CXCL17: variants seen among roughly 807,000 people sequenced by gnomAD.
The protein encoded by CXCL17 is C-X-C motif chemokine 17.
Under a neutral mutation model 15.5 loss-of-function variants are expected in CXCL17, and 9 were observed. The observed-to-expected ratio is 0.58, with a 90% CI of 0.35 to 1.01. CXCL17 has a LOEUF of 1.01. Among genes scored for constraint, CXCL17 ranks in the 50% least tolerant of loss-of-function variants. The pLI is 0.02. For synonymous variants in CXCL17, 52 were observed against 52.3 expected (o/e 0.99, Z 0.02); for missense variants, 133 against 138.2 (o/e 0.96, Z 0.19).
intron 2 of CXCL17, among the ~76,000 whole-genome samples, chr19:42,433,445 A>C (rs889549763): frequency 6.6e-6 from 1 of 152,178 alleles, no homozygotes; most frequent in Non-Finnish European, 1.5e-5. Flanking sequence ...CCTGTGAGTA[A>C]AATAAGGCTG....
At chr19:42,430,646 C>A (rs922173522) in intron 3 of CXCL17, among the ~76,000 whole-genome samples, 1 of 151,458 alleles carries the variant, frequency 6.6e-6, no homozygotes, top group Non-Finnish European at 1.5e-5. Context: ...GCCAACAGCA[C>A]CCCTCCTTTT....
At chr19:42,432,376 C>T (rs1316626027) in intron 3 of CXCL17, among the ~76,000 whole-genome samples, 1 of 152,028 alleles carries the variant, frequency 6.6e-6, no homozygotes, top group African/African-American at 2.4e-5. Context: ...AACTCCTGGC[C>T]TCAAGCAATC....
intron 2 of CXCL17, 135 bp downstream of exon 2, chr19:42,433,641 T>G: frequency 1.4e-6 from 1 of 718,896 alleles, no homozygotes; most frequent in Non-Finnish European, 2.4e-6. Context: ...GCACAGGTGC[T>G]GCATGTGGCA....
At chr19:42,429,508 A>T (rs2147688394) in intron 3 of CXCL17, among the ~76,000 whole-genome samples, 1 of 151,712 alleles carries the variant, frequency 6.6e-6, no homozygotes, top group East Asian at 1.9e-4. Flanking sequence ...TTTGTATTTT[A>T]GTAGAGATGG....
In CXCL17 at chr19:42,433,015, A is replaced by C; in HGVS notation, c.223T>G (p.Cys75Gly). Residue 75 changes from cysteine (C) to glycine (G), a missense_variant, in exon 3 of 4, where the codon TGC (cysteine) becomes GGC (glycine). Transcript: ENST00000601181. Reference protein sequence around the residue: ...MTVSGLPKKQCPCDHFKGNVK... With the variant: ...MTVSGLPKKQGPCDHFKGNVK... ...TTGCCCTTGAAATGATCACAGGGGC[A>C]CTGCTTCTTTGGCAGCCCAGACACT... 6.2e-7 allele frequency: 1 copy of C among 1,614,084 alleles called. No homozygotes were observed. The highest frequency in any genetic ancestry group is 2.2e-5 in the East Asian group (1 of 44,886).
At chr19:42,436,655 C>A (rs1156704264) in intron 1 of CXCL17, among the ~76,000 whole-genome samples, 1 of 152,078 alleles carries the variant, frequency 6.6e-6, no homozygotes, top group Non-Finnish European at 1.5e-5. Context: ...TCTCTTTTTC[C>A]ATTCATAGGC....
intron 1 of CXCL17, among the ~76,000 whole-genome samples, chr19:42,438,411 AC>A (rs1407663710): frequency 5.6e-4 from 31 of 55,226 alleles, no homozygotes; most frequent in African/African-American, 1.7e-3. Flanking sequence ...TATATAAAAT[AC>A]ACACACACAC....
chr19:42,440,615 G>T (rs899070465), intron 1 of CXCL17, among the ~76,000 whole-genome samples: 2 of 152,198 alleles, frequency 1.3e-5, no homozygotes, highest in African/African-American at 4.8e-5. Flanking sequence ...AGGACACGCT[G>T]CGGATCATTT....
chr19:42,436,483 G>GT lies in CXCL17; in HGVS notation c.80-2628dup, dbSNP rs539933175. ...TTTAATTGAATTCCTTAATTCTGAAGTTTTTTTTTTTTTCAGTCTAAATGT... is the reference window on the plus strand; with the variant it reads ...TTTAATTGAATTCCTTAATTCTGAAGTTTTTTTTTTTTTTCAGTCTAAATGT... On this transcript the variant is annotated intron_variant, in intron 1 of 3. Coordinates refer to ENST00000601181, the MANE Select transcript of CXCL17 (RefSeq NM_198477.3). Among the ~76,000 whole-genome samples the GT allele has an allele frequency of 9.0e-3, 1,305 of 144,544 alleles. 7 individuals carry two copies. The highest frequency in any genetic ancestry group is 0.017 in the African/African-American group (685 of 40,182). 94.8% of individuals were successfully genotyped at this position (144,544 alleles called of 152,430 possible). A position where few individuals can be genotyped will look rare whatever the true frequency, so the allele number is the denominator to read the frequency against.
intron 1 of CXCL17, among the ~76,000 whole-genome samples, chr19:42,441,388 CA>C (rs1474475768): frequency 6.6e-6 from 1 of 152,102 alleles, no homozygotes; most frequent in Non-Finnish European, 1.5e-5. Context: ...TGGAAAAACA[CA>C]ATACCTGTTC....
intron 1 of CXCL17, among the ~76,000 whole-genome samples, chr19:42,438,381 A>AATATATATATATATATATATATATAT (rs1201763586): frequency 3.1e-5 from 2 of 63,850 alleles, no homozygotes; most frequent in African/African-American, 1.5e-4. Context: ...AAAAAAAAAA[A>AATATATATATATATATATATATATAT]ATATATATAT....
chr19:42,438,111 C>G (rs2040850350), intron 1 of CXCL17, among the ~76,000 whole-genome samples: 1 of 151,696 alleles, frequency 6.6e-6, no homozygotes. Context: ...GTAATCCCAG[C>G]ACTTTGGGAG....
intron 1 of CXCL17, among the ~76,000 whole-genome samples, chr19:42,439,253 CAAAAAA>C (rs58768697): frequency 3.9e-5 from 3 of 77,512 alleles, no homozygotes; most frequent in African/African-American, 4.4e-5. Flanking sequence ...GACTCTATCT[CAAAAAA>C]AAAAAAAAAA....
intron 1 of CXCL17, among the ~76,000 whole-genome samples, chr19:42,435,049 G>A (rs929075740): frequency 1.3e-5 from 2 of 151,412 alleles, no homozygotes; most frequent in Non-Finnish European, 2.9e-5. Context: ...CGTGGTGGCG[G>A]GCGCCTGTAG....
chr19:42,433,806 G>A lies in CXCL17; in HGVS notation c.130C>T (p.Gln44Ter). ...CACTCACATTCTTGGCCGCCTTCCTGGAGCCATCTCCTAGAAGCCTGGCCT... is the reference window on the plus strand; with the variant it reads ...CACTCACATTCTTGGCCGCCTTCCTAGAGCCATCTCCTAGAAGCCTGGCCT... ...DRGQASRRWL[Q>*]EGGQECECKD... The change falls in exon 2 of 4, where the codon CAG becomes TAG. Residue 44 changes from glutamine (Q) to a stop codon, truncating the protein, a stop_gained. Coordinates refer to ENST00000601181, the MANE Select transcript of CXCL17 (RefSeq NM_198477.3). LOFTEE classifies it high-confidence loss of function. 6.2e-7 allele frequency: 1 copy of A among 1,614,058 alleles called. No individual in the cohort carries two copies. The highest frequency in any genetic ancestry group is 8.5e-7 in the Non-Finnish European group (1 of 1,180,004).
At chr19:42,438,381 A>AAAAATATATATAT (rs1555793041) in intron 1 of CXCL17, among the ~76,000 whole-genome samples, 2 of 63,850 alleles carry the variant, frequency 3.1e-5, no homozygotes, top group Admixed American at 2.8e-4. Context: ...AAAAAAAAAA[A>AAAAATATATATAT]ATATATATAT....
At chr19:42,436,947 AT>A (rs1433959091) in intron 1 of CXCL17, among the ~76,000 whole-genome samples, 1 of 151,694 alleles carries the variant, frequency 6.6e-6, no homozygotes, top group Non-Finnish European at 1.5e-5. Flanking sequence ...TTATTTATTT[AT>A]TTTTTTTGAG....
At chr19:42,437,374 T>C (rs541003174) in intron 1 of CXCL17, among the ~76,000 whole-genome samples, 1 of 152,356 alleles carries the variant, frequency 6.6e-6, no homozygotes, top group African/African-American at 2.4e-5. Context: ...AATATTAAAG[T>C]AAAAAGAAGC....
chr19:42,432,385 T>C lies in CXCL17; in HGVS notation c.262+591A>G, dbSNP rs2040792362. 2.0e-5 allele frequency among the ~76,000 whole-genome samples: 3 copies of C among 152,110 alleles called. No individual in the cohort carries two copies. In the South Asian group the frequency reaches 6.2e-4, roughly 32 times the overall value. ...GTCTTGAACTCCTGGCCTCAAGCAA[T>C]CCGCCTGCCTCGGCCTCCCAAAGTA... On this transcript the variant is annotated intron_variant, in intron 3 of 3. Transcript: ENST00000601181.
Sources: gnomAD v4.1 joint callset for allele counts (sites outside exome capture counted in the v4.1 genomes callset) on GRCh38, gnomAD v4.1.1 for gene constraint, MANE v1.5 for transcripts, NCBI Gene and HGNC (gene_info 2026-07-23, HGNC 2026-07-21) for gene names.